CASP9: variants seen among roughly 807,000 people sequenced by gnomAD.
The protein encoded by CASP9 is caspase 9.
CASP9 carries 29 observed loss-of-function variants against 43.5 expected under a neutral mutation model. The ratio of observed to expected loss-of-function variants is 0.67; its 90% CI spans 0.50 to 0.91. The LOEUF (loss-of-function observed/expected upper bound fraction) is 0.91. Among genes scored for constraint, CASP9 ranks in the 40% least tolerant of loss-of-function variants. CASP9 has a pLI of 0.00. For synonymous variants in CASP9, 206 were observed against 211.9 expected (o/e 0.97, Z 0.24); for missense variants, 575 against 537.4 (o/e 1.07, Z -0.69).
rs61079693 is a variant in CASP9, at chr1:15,516,481, T to TAA, written c.418+1627_418+1628dup. On this transcript the variant is annotated intron_variant, in intron 2 of 8. Transcript: ENST00000333868. The stretch of plus-strand genomic sequence containing the variant: ...GGGCCACAGAAGACCTTGCCTCAAT[T>TAA]AAAAAAAAAAAAAAGACACAATTTT... Among the ~76,000 whole-genome samples the TAA allele has an allele frequency of 8.3e-3, 1,236 of 148,498 alleles. 9 individuals carry two copies. The highest frequency in any genetic ancestry group is 0.012 in the Non-Finnish European group (828 of 67,152).
Position 15,506,880 on chromosome 1 carries a change from C to T in CASP9, c.630+19G>A. 6.3e-7 allele frequency: 1 copy of T among 1,592,350 alleles called. No homozygotes were observed. Among genetic ancestry groups the T allele is most frequent in the Middle Eastern group, 1.7e-4 (1 of 6,010 alleles). On this transcript the variant is annotated intron_variant, in intron 4 of 8. Transcript: ENST00000333868. Reference sequence around the variant, plus strand: ...CCACTGCCCCCCACCCTGTCTCCCTCCACAGATAGTGAGTGTACCTTGGCA... The same window carrying T: ...CCACTGCCCCCCACCCTGTCTCCCTTCACAGATAGTGAGTGTACCTTGGCA...
intron 5 of CASP9, 74 bp from the exon 6 acceptor site, chr1:15,504,832 G>T: frequency 6.8e-7 from 1 of 1,474,660 alleles, no homozygotes; most frequent in Non-Finnish European, 9.3e-7. Flanking sequence ...CAGAGGTTTT[G>T]TGGGAGCCAA....
chr1:15,493,131 A>G (rs1008044078), intron 8 of CASP9, 96 bp from the exon 9 acceptor site: 5 of 1,562,852 alleles, frequency 3.2e-6, no homozygotes, highest in Non-Finnish European at 4.3e-6. Flanking sequence ...CTCAACCCGC[A>G]CCTTAAAAAC....
At position 15,491,534 on chromosome 1, in the gene CASP9, G is replaced by T; in HGVS notation, c.*1409C>A. On this transcript the variant is annotated 3_prime_UTR_variant, in exon 9 of 9. Transcript: ENST00000333868. ...GCACTTTGGGAGGCTAAGGCAGGCT[G>T]ATCGCTTGAGTCCAGGAGTTCAAGA... The T allele has an allele frequency of 7.3e-6, 4 of 545,472 alleles. No individual in the cohort carries two copies. The highest frequency in any genetic ancestry group is 1.3e-5 in the Non-Finnish European group (4 of 308,494). The allele number at this position is 545,472 out of a possible 1,614,324, so 33.8% of individuals were successfully genotyped here.
At chr1:15,524,273 G>A (rs532735009), upstream of CASP9, 794 of 1,472,758 alleles carry the variant, frequency 5.4e-4, 8 homozygotes, top group South Asian at 7.3e-3. Flanking sequence ...CCAGTCCCCA[G>A]GACCCGCCCC....
intron 2 of CASP9, among the ~76,000 whole-genome samples, chr1:15,516,326 C>T (rs1285729093): frequency 6.6e-6 from 1 of 151,008 alleles, no homozygotes; most frequent in African/African-American, 2.4e-5. Context: ...CCTGTCTCTA[C>T]AAAAAATACA....
At chr1:15,496,398 T>C (rs994321363) in intron 6 of CASP9, among the ~76,000 whole-genome samples, 1 of 152,074 alleles carries the variant, frequency 6.6e-6, no homozygotes, top group African/African-American at 2.4e-5. Context: ...ATTCAACACA[T>C]TACTAGAAGT....
intron 8 of CASP9, chr1:15,493,423 G>C: frequency 8.0e-7 from 1 of 1,250,728 alleles, no homozygotes; most frequent in African/African-American, 1.5e-5. Context: ...CTATGGAGTA[G>C]GACTGGGCCT....
Position 15,506,051 on chromosome 1 carries a change from G to A in CASP9, c.659C>T (p.Ala220Val), listed in dbSNP as rs747945408. Residue 220 changes from alanine (A) to valine (V), a missense_variant, in exon 5 of 9, where the codon GCG (alanine) becomes GTG (valine). By Grantham distance (64) the Ala-to-Val change is moderately conservative. Coordinates refer to ENST00000333868, the MANE Select transcript of CASP9 (RefSeq NM_001229.5). ...GTCCAGAGCACCGTGGTCCTGCTGC[G>A]CCAGCTCCAGCAAAGCCAGCACCAT... ...KKMVLALLEL[A>V]QQDHGALDCC... is the part of the protein sequence containing the mutation. 60 of 1,613,822 alleles carry A rather than the reference G, an allele frequency of 3.7e-5. No homozygotes were observed. The highest frequency in any genetic ancestry group is 5.0e-5 in the Admixed American group (3 of 60,006).
intron 1 of CASP9, among the ~76,000 whole-genome samples, chr1:15,522,947 G>A (rs1181383995): frequency 2.6e-5 from 4 of 152,180 alleles, no homozygotes; most frequent in African/African-American, 9.7e-5. Context: ...TATTATTAAT[G>A]AATAATTACT....
rs367689009 is a variant in CASP9, at chr1:15,506,954, C to T, written c.575G>A (p.Arg192His). The T allele has an allele frequency of 7.4e-6, 12 of 1,614,042 alleles. No homozygotes were observed. In the South Asian group the frequency reaches 7.7e-5, roughly 10 times the overall value. Residue 192 changes from arginine to histidine, a missense_variant, in exon 4 of 9, where the codon CGT becomes CAT. Arg to His is a conservative substitution (Grantham distance 29). Coordinates refer to ENST00000333868, the MANE Select transcript of CASP9 (RefSeq NM_001229.5). The part of the protein sequence containing the change: ...GSNIDCEKLR[R>H]RFSSLHFMVE... ...CATGAAATGCAGCGAGGAGAAGCGA[C>T]GCCGCAACTTCTCACAGTCGATGTT...
chr1:15,509,998 TTG>T (rs1192931353), intron 2 of CASP9, among the ~76,000 whole-genome samples: 1 of 152,200 alleles, frequency 6.6e-6, no homozygotes, highest in Non-Finnish European at 1.5e-5. Flanking sequence ...TGGCGCGATC[TTG>T]CCTCGCTGCA....
At chr1:15,500,194 G>A in intron 6 of CASP9, among the ~76,000 whole-genome samples, 1 of 152,124 alleles carries the variant, frequency 6.6e-6, no homozygotes, top group East Asian at 1.9e-4. Flanking sequence ...TTAAAAATAG[G>A]CTGAAGTTGG....
In CASP9 at chr1:15,493,992, GA is replaced by G. The variant is rs781200300; in HGVS notation, c.1057del (p.Ser353ProfsTer41). The G allele has an allele frequency of 6.3e-7, 1 of 1,591,440 alleles. No individual in the cohort carries two copies. Among genetic ancestry groups the G allele is most frequent in the East Asian group, 2.3e-5 (1 of 44,038 alleles). ...VSYSTFPGFV[S>X]WRDPKSGSWY... ...GGAGCCACTCTTGGGGTCCCTCCAG[GA>G]AACAAAACCTTTGGAGGGAGGAGGG... is the stretch of plus-strand genomic sequence containing the variant. On this transcript the variant is annotated frameshift_variant, in exon 8 of 9. Transcript: ENST00000333868. LOFTEE classifies it high-confidence loss of function.
At chr1:15,524,282 CCCGCCCCAGGGCCTGCCCCCGCGTCA>C (rs1291084450), upstream of CASP9, 46 of 1,491,080 alleles carry the variant, frequency 3.1e-5, no homozygotes, top group Middle Eastern at 4.7e-4. Context: ...AGGACCCGCC[CCCGCCCCAGGGCCTGCCCCCGCGTCA>C]CGGCCCCGGG....
At chr1:15,512,139 C>G (rs1291023817) in intron 2 of CASP9, among the ~76,000 whole-genome samples, 1 of 152,156 alleles carries the variant, frequency 6.6e-6, no homozygotes, top group Non-Finnish European at 1.5e-5. Flanking sequence ...GCAAAGAGAC[C>G]AAGAAGCCAG....
At chr1:15,504,827 G>A in intron 5 of CASP9, 69 bp from the exon 6 acceptor site, 1 of 1,490,242 alleles carries the variant, frequency 6.7e-7, no homozygotes, top group Non-Finnish European at 9.1e-7. Flanking sequence ...CTGTTCAGAG[G>A]TTTTGTGGGA....
chr1:15,509,282 C>T (rs144069416), intron 2 of CASP9, among the ~76,000 whole-genome samples: 84 of 152,178 alleles, frequency 5.5e-4, no homozygotes, highest in African/African-American at 1.9e-3. Flanking sequence ...TTACCCCAGA[C>T]GAGTGACACC....
chr1:15,508,404 TTTTTTCTTTTTTC>T (rs1177770791), intron 2 of CASP9, among the ~76,000 whole-genome samples: 1 of 152,112 alleles, frequency 6.6e-6, no homozygotes, highest in African/African-American at 2.4e-5. Flanking sequence ...TTCTTTTCTT[TTTTTTCTTTTTTC>T]TTTTTCTTTT....
Sources: gnomAD v4.1 joint callset for allele counts (sites outside exome capture counted in the v4.1 genomes callset) on GRCh38, gnomAD v4.1.1 for gene constraint, MANE v1.5 for transcripts, NCBI Gene and HGNC (gene_info 2026-07-23, HGNC 2026-07-21) for gene names.